HECW1: variants seen among roughly 807,000 people sequenced by gnomAD.
HECW1 encodes HECT, C2 and WW domain containing E3 ubiquitin protein ligase 1.
In HECW1, 61 loss-of-function variants were observed where a neutral mutation model predicts 182.3. That is an observed-to-expected ratio of 0.33 (90% confidence interval 0.27 to 0.41). The LOEUF is 0.41. HECW1 is among the 10% of genes least tolerant of loss of function. HECW1 has a pLI of 1.00. For synonymous variants in HECW1, 859 were observed against 832.6 expected (o/e 1.03, Z -0.55); for missense variants, 1,739 against 2,108.9 (o/e 0.82, Z 3.44).
intron 2 of HECW1, among the ~76,000 whole-genome samples, chr7:43,173,424 C>T (rs1276777583): frequency 6.6e-6 from 1 of 152,170 alleles, no homozygotes; most frequent in Non-Finnish European, 1.5e-5. Flanking sequence ...GGAAAGCCAT[C>T]TGATTAAATA....
intron 13 of HECW1, among the ~76,000 whole-genome samples, chr7:43,458,745 T>G (rs560105679): frequency 6.6e-6 from 1 of 152,198 alleles, no homozygotes; most frequent in Non-Finnish European, 1.5e-5. Context: ...ATTTCCAGTC[T>G]TCTATCCATC....
Position 43,312,095 on chromosome 7 carries a change from G to C in HECW1, c.352+8G>C. The C allele has an allele frequency of 1.2e-6, 2 of 1,606,638 alleles. No individual in the cohort carries two copies. Among genetic ancestry groups the C allele is most frequent in the Non-Finnish European group, 1.7e-6 (2 of 1,173,562 alleles). ...TTGGCATGTACCTCATTGGTGAGTA[G>C]AATGTGCCAAGTGTATTATTCATAA... On this transcript the variant is annotated splice_region_variant and intron_variant, in intron 4 of 29. Transcript: ENST00000395891.
chr7:43,250,320 G>C (rs1349705065), intron 3 of HECW1, among the ~76,000 whole-genome samples: 4 of 152,124 alleles, frequency 2.6e-5, no homozygotes, highest in African/African-American at 9.7e-5. Flanking sequence ...ACTCAGCCTG[G>C]CTTGGATGTT....
intron 6 of HECW1, among the ~76,000 whole-genome samples, chr7:43,380,080 G>T (rs2074483494): frequency 1.3e-5 from 2 of 152,190 alleles, no homozygotes; most frequent in South Asian, 4.1e-4. Flanking sequence ...TTGAGACAAG[G>T]TCTCACTCTG....
chr7:43,381,132 T>C (rs569415578), intron 6 of HECW1, among the ~76,000 whole-genome samples: 1 of 152,332 alleles, frequency 6.6e-6, no homozygotes, highest in Admixed American at 6.5e-5. Flanking sequence ...TTATTGGCCA[T>C]TGGATTCCTG....
At chr7:43,540,641 C>T (rs1431147729) in intron 24 of HECW1, among the ~76,000 whole-genome samples, 2 of 152,196 alleles carry the variant, frequency 1.3e-5, no homozygotes, top group African/African-American at 2.4e-5. Flanking sequence ...TTATCTCTTA[C>T]CATATTGTGA....
intron 8 of HECW1, among the ~76,000 whole-genome samples, chr7:43,416,372 G>A (rs2075996803): frequency 1.3e-5 from 2 of 151,202 alleles, no homozygotes; most frequent in African/African-American, 4.9e-5. Flanking sequence ...CACTTGAGGA[G>A]GCAGTCTGCC....
At chr7:43,542,310 A>C (rs2081393095) in intron 26 of HECW1, among the ~76,000 whole-genome samples, 1 of 152,012 alleles carries the variant, frequency 6.6e-6, no homozygotes. Flanking sequence ...TTTGTGGCTG[A>C]CTTATTTCAC....
chr7:43,134,802 G>A (rs1245536815), intron 2 of HECW1, among the ~76,000 whole-genome samples: 1 of 152,056 alleles, frequency 6.6e-6, no homozygotes, highest in Non-Finnish European at 1.5e-5. Flanking sequence ...CAAGACTCTT[G>A]ACATATTATT....
chr7:43,493,521 A>G (rs1009606215), intron 19 of HECW1, among the ~76,000 whole-genome samples: 3 of 152,184 alleles, frequency 2.0e-5, no homozygotes, highest in African/African-American at 7.2e-5. Flanking sequence ...TTGAAATATA[A>G]TTGTTGAACG....
intron 15 of HECW1, 141 bp downstream of exon 15, chr7:43,466,709 T>C: frequency 1.0e-6 from 1 of 981,582 alleles, no homozygotes; most frequent in Non-Finnish European, 1.4e-6. Context: ...AGTCCACTCT[T>C]TTGACTATCC....
intron 4 of HECW1, among the ~76,000 whole-genome samples, chr7:43,318,772 A>G (rs899383984): frequency 1.3e-5 from 2 of 152,214 alleles, no homozygotes; most frequent in East Asian, 1.9e-4. Flanking sequence ...GAAAAGGGCA[A>G]TCATGAAAAG....
In HECW1 at chr7:43,438,059, G is replaced by A. The variant is rs769566523; in HGVS notation, c.858G>A (p.Lys286=). The A allele has an allele frequency of 9.9e-6, 16 of 1,614,120 alleles. No homozygotes were observed. Among genetic ancestry groups the A allele is most frequent in the Non-Finnish European group, 1.4e-5 (16 of 1,180,010 alleles). The part of the protein sequence containing the change: ...TDVLEIEVKD[K]FAKSRPIIKR... ...TGCTGGAAATTGAGGTGAAGGACAA[G>A]TTTGCCAAGAGCCGCCCCATCATCA... is the stretch of plus-strand genomic sequence containing the variant. Residue 286 remains lysine (K), a synonymous_variant, in exon 9 of 30, where the codon AAG becomes AAA. Transcript: ENST00000395891.
In HECW1 at chr7:43,444,778, T is replaced by C; in HGVS notation, c.1606T>C (p.Ser536Pro). 6.2e-7 allele frequency: 1 copy of C among 1,614,044 alleles called. No individual in the cohort carries two copies. The highest frequency in any genetic ancestry group is 8.5e-7 in the Non-Finnish European group (1 of 1,180,002). The change falls in exon 11 of 30, where the codon TCC becomes CCC. Residue 536 changes from serine to proline, a missense_variant. By Grantham distance (74) the Ser-to-Pro change is moderately conservative (BLOSUM62 -1). Transcript: ENST00000395891. The surrounding 1 kb of genome is among the most constrained non-coding windows in gnomAD (Gnocchi z 4.3). Reference sequence around the variant, plus strand: ...GGTGAAGAGAAAAAGCAGGCCCTGCTCCTTGCCTGTGTCCGAGCTGGAGAC... The same window carrying C: ...GGTGAAGAGAAAAAGCAGGCCCTGCCCCTTGCCTGTGTCCGAGCTGGAGAC... ...ASVKRKSRPC[S>P]LPVSELETVI...
At chr7:43,392,815 A>G (rs1451187479) in intron 6 of HECW1, among the ~76,000 whole-genome samples, 1 of 152,230 alleles carries the variant, frequency 6.6e-6, no homozygotes, top group Non-Finnish European at 1.5e-5. Flanking sequence ...GAGCCCTGTC[A>G]ACTGAGCTAT....
chr7:43,124,794 G>T (rs1334273098), intron 2 of HECW1, among the ~76,000 whole-genome samples: 1 of 152,130 alleles, frequency 6.6e-6, no homozygotes, highest in Non-Finnish European at 1.5e-5. Context: ...CAAACCAAAA[G>T]ATTGTGTTTT....
chr7:43,532,666 G>A (rs1047785373), intron 24 of HECW1, among the ~76,000 whole-genome samples: 2 of 152,154 alleles, frequency 1.3e-5, no homozygotes, highest in Non-Finnish European at 2.9e-5. Flanking sequence ...TTCTCCAGGA[G>A]CTCACTCTTT....
In HECW1 at chr7:43,432,904, T is replaced by C. The variant is rs967192411; in HGVS notation, c.802-5099T>C. 6.6e-6 allele frequency among the ~76,000 whole-genome samples: 1 copy of C among 152,246 alleles called. No homozygotes were observed. Among genetic ancestry groups the C allele is most frequent in the Non-Finnish European group, 1.5e-5 (1 of 68,046 alleles). On this transcript the variant is annotated intron_variant, in intron 8 of 29. Coordinates refer to ENST00000395891, the MANE Select transcript of HECW1 (RefSeq NM_015052.5). The surrounding 1 kb of genome is among the most constrained non-coding windows in gnomAD (Gnocchi z 4.1). ...GAAGCAAGATGGAATATAATAAGCA[T>C]CTTAGTTCTATAAATGGCCTATTGA...
At chr7:43,214,095 C>T (rs573958626) in intron 2 of HECW1, among the ~76,000 whole-genome samples, 16 of 151,720 alleles carry the variant, frequency 1.1e-4, no homozygotes, top group African/African-American at 3.9e-4. Context: ...TGCTTTTTCC[C>T]TCTAGTTTTT....
Sources: allele counts gnomAD v4.1 joint callset (sites outside exome capture counted in the v4.1 genomes callset), GRCh38; gene constraint gnomAD v4.1.1; non-coding constraint Gnocchi (gnomAD v3.1); transcripts MANE v1.5; gene names NCBI Gene and HGNC (gene_info 2026-07-23, HGNC 2026-07-21).